Variants in DAPK2 observed in about 807,000 individuals in gnomAD.
DAPK2 encodes the protein death associated protein kinase 2.
In DAPK2, 35 loss-of-function variants were observed where a neutral mutation model predicts 44.1. The ratio of observed to expected loss-of-function variants is 0.79; its 90% CI spans 0.61 to 1.05. The LOEUF is 1.05. DAPK2 is among the 50% of genes least tolerant of loss of function. The probability of loss-of-function intolerance (pLI) is 0.00; values close to 1 mark genes in which losing one functional copy is unlikely to be tolerated. For missense variants in DAPK2, 453 were observed against 483.2 expected, an observed-to-expected ratio of 0.94 and a Z score of 0.59; for synonymous variants, 174 against 182.6, an observed-to-expected ratio of 0.95 and a Z score of 0.38.
rs184893673 is a variant in DAPK2, at chr15:63,993,934, C to T, written c.93-10180G>A. ...ACACGGTGGTTTCTGGGTTTCCTAC[C>T]GCACAGGGCCCAGCCATGGGTCCAG... On this transcript the variant is annotated intron_variant, in intron 1 of 10. Coordinates refer to ENST00000261891, the Ensembl canonical transcript of DAPK2. 7.2e-5 allele frequency among the ~76,000 whole-genome samples: 11 copies of T among 152,018 alleles called. 1 individual carries two copies. Among genetic ancestry groups the T allele is most frequent in the East Asian group, 1.9e-4 (1 of 5,196 alleles).
chr15:63,922,370 T>C (rs775851019), intron 8 of DAPK2: 8 of 1,033,672 alleles, frequency 7.7e-6, no homozygotes, highest in Non-Finnish European at 9.3e-6. Flanking sequence ...CTACAGTCCA[T>C]AAGGTATGTA....
chr15:64,002,974 C>CTGTGTGTGTGTGTGTGTGTGTG (rs58879927), intron 1 of DAPK2, among the ~76,000 whole-genome samples: 3 of 51,636 alleles, frequency 5.8e-5, no homozygotes, highest in Non-Finnish European at 9.4e-5. Flanking sequence ...GTCGTGGGAC[C>CTGTGTGTGTGTGTGTGTGTGTG]TGTGTGTGTG....
Position 63,939,323 on chromosome 15 carries a change from A to T in DAPK2, c.492T>A (p.Ile164=). Residue 164 remains isoleucine (I), a synonymous_variant, in exon 4 of 11, where the codon ATT becomes ATA. Transcript: ENST00000261891. This position sits in a 1 kb window ranked among gnomAD's most constrained non-coding sequence, Gnocchi z 4.3. ...CAAAGTCAATCAGCTTGATGTGTGG[A>T]ATGGGAATATTCTTGTCTAACAACA... 1.9e-6 allele frequency: 3 copies of T among 1,613,692 alleles called. No homozygotes were observed. The highest frequency in any genetic ancestry group is 2.5e-6 in the Non-Finnish European group (3 of 1,179,848).
At chr15:63,994,508 C>T (rs2078899429) in intron 1 of DAPK2, among the ~76,000 whole-genome samples, 1 of 151,718 alleles carries the variant, frequency 6.6e-6, no homozygotes, top group Non-Finnish European at 1.5e-5. Context: ...CTTAGTCCCA[C>T]CTTTCTAAGA....
chr15:64,017,185 T>C (rs2079554491), intron 1 of DAPK2, among the ~76,000 whole-genome samples: 3 of 152,172 alleles, frequency 2.0e-5, no homozygotes, highest in Non-Finnish European at 2.9e-5. Context: ...CTCAGTCCCC[T>C]AGGTACCTTC....
At position 64,024,639 on chromosome 15, in the gene DAPK2, C is replaced by G. The variant is rs113514234; in HGVS notation, c.92+15531G>C. 2.7e-3 allele frequency among the ~76,000 whole-genome samples: 405 copies of G among 152,300 alleles called. 1 individual carries two copies. The highest frequency in any genetic ancestry group is 9.2e-3 in the African/African-American group (384 of 41,576). On this transcript the variant is annotated intron_variant, in intron 1 of 10. Transcript: ENST00000261891. ...TTCCAGTGCCCAGAACAGTCACTGC[C>G]AGGCTGTCCCGCCCTGAGCCTATCC...
chr15:63,994,567 C>T lies in DAPK2; in HGVS notation c.93-10813G>A, dbSNP rs2078901378. On this transcript the variant is annotated intron_variant, in intron 1 of 10. Coordinates refer to ENST00000261891, the Ensembl canonical transcript of DAPK2. ...TCTGCCCCTCAGATGTTTTTCAGCA[C>T]ATACTGAAATCTTTTTTACTTTTTT... is the stretch of plus-strand genomic sequence containing the variant. Among the ~76,000 whole-genome samples, 5 of 148,488 alleles carry T rather than the reference C, an allele frequency of 3.4e-5. No individual in the cohort carries two copies. In the South Asian group the frequency reaches 1.1e-3, roughly 32 times the overall value.
chr15:63,936,543 G>C (rs1306610370), intron 4 of DAPK2, among the ~76,000 whole-genome samples: 1 of 152,052 alleles, frequency 6.6e-6, no homozygotes. Context: ...CCCAGGAGGC[G>C]GAGGTTGCAG....
chr15:64,031,126 T>G (rs1192515995), intron 1 of DAPK2, among the ~76,000 whole-genome samples: 1 of 152,168 alleles, frequency 6.6e-6, no homozygotes, highest in Non-Finnish European at 1.5e-5. Flanking sequence ...TTTATTTAAC[T>G]TCTCTGAGCC....
chr15:63,938,388 C>T (rs2140442820), intron 4 of DAPK2, among the ~76,000 whole-genome samples: 1 of 152,364 alleles, frequency 6.6e-6, no homozygotes, highest in African/African-American at 2.4e-5. Context: ...ACAGCAAGGG[C>T]TTCCTGCCCT....
exon 8 of DAPK2, chr15:63,924,831 T>C: frequency 6.2e-7 from 1 of 1,614,182 alleles, no homozygotes; most frequent in Non-Finnish European, 8.5e-7. Flanking sequence ...TCCAGGGGTG[T>C]CTGAGAGCCT....
chr15:64,030,363 C>T (rs748994682), intron 1 of DAPK2, among the ~76,000 whole-genome samples: 48 of 152,150 alleles, frequency 3.2e-4, no homozygotes, highest in Non-Finnish European at 5.7e-4. Flanking sequence ...GATACCCTTG[C>T]ACCTAGATGT....
At position 63,945,413 on chromosome 15, in the gene DAPK2, C is replaced by T. The variant is rs1423496053; in HGVS notation, c.454-6052G>A. On this transcript the variant is annotated intron_variant, in intron 3 of 10. Coordinates refer to ENST00000261891, the Ensembl canonical transcript of DAPK2. ...GGAAATGAATTGAAAGAATCCAGGG[C>T]CAGAGGCTCCTCCTTTTCTGCCAGG... is the stretch of plus-strand genomic sequence containing the variant. Among the ~76,000 whole-genome samples, 9 of 152,258 alleles carry T rather than the reference C, an allele frequency of 5.9e-5. No individual in the cohort carries two copies. The East Asian group carries it at 1.7e-3, about 29-fold the overall frequency.
chr15:63,993,323 T>C (rs2078865843), intron 1 of DAPK2, among the ~76,000 whole-genome samples: 2 of 152,150 alleles, frequency 1.3e-5, no homozygotes, highest in Non-Finnish European at 2.9e-5. Flanking sequence ...TAAGATGACT[T>C]GGAGATAGAA....
intron 3 of DAPK2, among the ~76,000 whole-genome samples, chr15:63,958,184 G>C (rs2077781519): frequency 6.6e-6 from 1 of 151,862 alleles, no homozygotes; most frequent in Non-Finnish European, 1.5e-5. Context: ...TATCCTTTGT[G>C]CACTTTTTGA....
intron 1 of DAPK2, among the ~76,000 whole-genome samples, chr15:63,996,076 C>T (rs2078943399): frequency 6.6e-6 from 1 of 152,230 alleles, no homozygotes; most frequent in East Asian, 1.9e-4. Context: ...TTTCCTCCTT[C>T]TTCCTTTGCA....
At chr15:63,962,041 C>A (rs941165146) in intron 3 of DAPK2, among the ~76,000 whole-genome samples, 1 of 151,990 alleles carries the variant, frequency 6.6e-6, no homozygotes, top group Admixed American at 6.5e-5. Flanking sequence ...TTTTTTGTTT[C>A]TTTTTACTCT....
At chr15:63,955,802 A>C (rs2077707637) in intron 3 of DAPK2, among the ~76,000 whole-genome samples, 1 of 152,162 alleles carries the variant, frequency 6.6e-6, no homozygotes, top group South Asian at 2.1e-4. Flanking sequence ...TCCTGAGCTC[A>C]AGTGCTCTCC....
At chr15:64,007,633 G>A (rs957732167) in intron 1 of DAPK2, among the ~76,000 whole-genome samples, 1 of 152,182 alleles carries the variant, frequency 6.6e-6, no homozygotes, top group Non-Finnish European at 1.5e-5. Context: ...GTTACCTGAT[G>A]CCTGCAGTTT....
Sources: allele counts gnomAD v4.1 joint callset (sites outside exome capture counted in the v4.1 genomes callset), GRCh38; gene constraint gnomAD v4.1.1; non-coding constraint Gnocchi (gnomAD v3.1); transcripts MANE v1.5; gene names NCBI Gene and HGNC (gene_info 2026-07-23, HGNC 2026-07-21).